AK3: variants seen among roughly 807,000 people sequenced by gnomAD.
The protein encoded by AK3 is GTP:AMP phosphotransferase AK3, mitochondrial.
A neutral mutation model predicts 23.7 loss-of-function variants in AK3; 27 were observed. The ratio of observed to expected loss-of-function variants is 1.14; its 90% CI spans 0.84 to 1.57. The LOEUF (loss-of-function observed/expected upper bound fraction) is 1.57. Among genes scored for constraint, AK3 ranks in the 40% most tolerant of loss-of-function variants. The probability of loss-of-function intolerance (pLI) is 0.00; values close to 1 mark genes in which losing one functional copy is unlikely to be tolerated. For synonymous variants in AK3, 159 were observed against 116.0 expected (o/e 1.37, Z -2.38); for missense variants, 406 against 285.6 (o/e 1.42, Z -3.04).
chr9:4,718,367 C>T, intron 4 of AK3, 52 bp downstream of exon 4: 1 of 1,372,374 alleles, frequency 7.3e-7, no homozygotes, highest in Non-Finnish European at 1.0e-6. Context: ...AAAATCAAAA[C>T]TAGACTTAGT....
Position 4,741,031 on chromosome 9 carries a change from G to A in AK3, c.57C>T (p.Gly19=), listed in dbSNP as rs1371039718. ...RAVIMGAPGS[G]KGTVSSRITT... ...TGATGCGCGACGACACGGTGCCCTTGCCCGAGCCCGGGGCCCCCATGATCA... is the reference window on the plus strand; with the variant it reads ...TGATGCGCGACGACACGGTGCCCTTACCCGAGCCCGGGGCCCCCATGATCA... Residue 19 remains glycine, a synonymous_variant, in exon 1 of 5, where the codon GGC becomes GGT. Transcript: ENST00000381809. 45 of 1,582,180 alleles carry A rather than the reference G, an allele frequency of 2.8e-5. No individual in the cohort carries two copies. The highest frequency in any genetic ancestry group is 3.8e-5 in the Non-Finnish European group (44 of 1,166,726).
At chr9:4,724,341 T>G (rs934845215) in intron 1 of AK3, among the ~76,000 whole-genome samples, 1 of 152,050 alleles carries the variant, frequency 6.6e-6, no homozygotes, top group African/African-American at 2.4e-5. Flanking sequence ...CACCTCTCAC[T>G]CTTCAGGCCA....
chr9:4,724,811 A>G (rs1405514368), intron 1 of AK3, among the ~76,000 whole-genome samples: 4 of 151,992 alleles, frequency 2.6e-5, no homozygotes, highest in African/African-American at 9.7e-5. Flanking sequence ...TAGAATTGAA[A>G]GTCCAGAAAT....
intron 4 of AK3, among the ~76,000 whole-genome samples, chr9:4,714,905 G>C (rs751148366): frequency 6.6e-6 from 1 of 152,182 alleles, no homozygotes; most frequent in East Asian, 1.9e-4. Flanking sequence ...TGAGTTCTAC[G>C]TGTGGGAGCT....
chr9:4,731,388 C>A (rs1000814292), intron 1 of AK3, among the ~76,000 whole-genome samples: 1 of 152,048 alleles, frequency 6.6e-6, no homozygotes, highest in Admixed American at 6.6e-5. Context: ...TCTTTTCCTG[C>A]GTTAGTTTGC....
Position 4,740,927 on chromosome 9 carries a change from G to C in AK3, c.151+10C>G. ...CAGCGCACGGCCGGCCCTGGGCCCA[G>C]AGCTCCCACCTGTGCCCCGCAGCAT... On this transcript the variant is annotated intron_variant, in intron 1 of 4. Transcript: ENST00000381809. 6.5e-7 allele frequency: 1 copy of C among 1,549,140 alleles called. No homozygotes were observed. The highest frequency in any genetic ancestry group is 1.2e-5 in the South Asian group (1 of 84,460).
chr9:4,731,851 C>G (rs913812580), intron 1 of AK3, among the ~76,000 whole-genome samples: 1 of 152,156 alleles, frequency 6.6e-6, no homozygotes, highest in Non-Finnish European at 1.5e-5. Flanking sequence ...AAAACTGACC[C>G]CTCCTCCTCC....
intron 1 of AK3, among the ~76,000 whole-genome samples, chr9:4,724,905 C>T (rs780595106): frequency 3.9e-5 from 6 of 152,024 alleles, no homozygotes; most frequent in Non-Finnish European, 7.4e-5. Flanking sequence ...TTAACAAATG[C>T]TCCTGGGACA....
chr9:4,733,415 A>C (rs766855253), intron 1 of AK3, among the ~76,000 whole-genome samples: 56 of 152,328 alleles, frequency 3.7e-4, no homozygotes, highest in Middle Eastern at 3.4e-3. Flanking sequence ...ATGTGCATGG[A>C]AGGGGAACGG....
At chr9:4,720,886 A>G (rs1841878473) in intron 2 of AK3, among the ~76,000 whole-genome samples, 1 of 152,142 alleles carries the variant, frequency 6.6e-6, no homozygotes. Context: ...GGGAGAAATA[A>G]TGGCCCTTTC....
At chr9:4,714,493 C>T (rs1388678387) in intron 4 of AK3, among the ~76,000 whole-genome samples, 1 of 152,178 alleles carries the variant, frequency 6.6e-6, no homozygotes, top group East Asian at 1.9e-4. Flanking sequence ...TAGAAACCCT[C>T]CTGCTTCTAA....
chr9:4,728,476 C>G (rs964024516), intron 1 of AK3, among the ~76,000 whole-genome samples: 7 of 152,132 alleles, frequency 4.6e-5, no homozygotes, highest in Non-Finnish European at 1.0e-4. Flanking sequence ...GAGGCTGAGG[C>G]AGGAGAAGTG....
At chr9:4,719,047 G>T (rs184713659) in intron 3 of AK3, 88 bp downstream of exon 3, 6 of 1,342,434 alleles carry the variant, frequency 4.5e-6, no homozygotes, top group Non-Finnish European at 6.2e-6. Flanking sequence ...TTGGTCAGAG[G>T]ATTTCCAAGT....
intron 3 of AK3, among the ~76,000 whole-genome samples, 176 bp downstream of exon 3, chr9:4,718,959 G>A (rs1411739078): frequency 2.6e-5 from 4 of 152,106 alleles, no homozygotes; most frequent in African/African-American, 9.7e-5. Flanking sequence ...CTGCTCCTGG[G>A]GCAACCTTTC....
At chr9:4,742,022 T>A (rs1224991702), upstream of AK3, 1 of 152,218 alleles carries the variant, frequency 6.6e-6, no homozygotes, top group Non-Finnish European at 1.5e-5. Context: ...GACTCTTTTA[T>A]AAATAACGTA....
At chr9:4,736,018 G>C (rs1042469977) in intron 1 of AK3, among the ~76,000 whole-genome samples, 3 of 151,354 alleles carry the variant, frequency 2.0e-5, no homozygotes, top group African/African-American at 4.9e-5. Flanking sequence ...AGGAGGCTGA[G>C]GCAGGAGAAG....
In AK3 at chr9:4,719,184, G is replaced by C; in HGVS notation, c.395C>G (p.Pro132Arg). 1 of 1,611,850 alleles carries C rather than the reference G, an allele frequency of 6.2e-7. No individual in the cohort carries two copies. The highest frequency in any genetic ancestry group is 8.5e-7 in the Non-Finnish European group (1 of 1,179,838). The change falls in exon 3 of 5, where the codon CCC (proline) becomes CGC (arginine). Residue 132 changes from proline to arginine, a missense_variant. Coordinates refer to ENST00000381809, the MANE Select transcript of AK3 (RefSeq NM_016282.4). Reference sequence around the variant, plus strand: ...AATGTTATAGACTCGGCCACTGGCGGGATGAATCCAGCGAGCAGTAAGGCG... The same window carrying C: ...AATGTTATAGACTCGGCCACTGGCGCGATGAATCCAGCGAGCAGTAAGGCG... ...KQRLTARWIH[P>R]ASGRVYNIEF...
chr9:4,726,320 G>A (rs1842022944), intron 1 of AK3, among the ~76,000 whole-genome samples: 2 of 152,156 alleles, frequency 1.3e-5, no homozygotes. Flanking sequence ...AGCATGCAGT[G>A]TTGTGTGATA....
rs1394006461 is a variant in AK3, at chr9:4,719,179, T to C, written c.400A>G (p.Ser134Gly). ...AATTCAATGTTATAGACTCGGCCAC[T>C]GGCGGGATGAATCCAGCGAGCAGTA... Reference protein sequence around the residue: ...RLTARWIHPASGRVYNIEFNP... With the variant: ...RLTARWIHPAGGRVYNIEFNP... Residue 134 changes from serine (S) to glycine (G), a missense_variant, in exon 3 of 5, where the codon AGT (serine) becomes GGT (glycine). Physicochemically the swap from Ser to Gly is moderately conservative, Grantham distance 56 (BLOSUM62 0). Coordinates refer to ENST00000381809, the MANE Select transcript of AK3 (RefSeq NM_016282.4). 1.2e-6 allele frequency: 2 copies of C among 1,611,928 alleles called. No individual in the cohort carries two copies. The highest frequency in any genetic ancestry group is 8.5e-7 in the Non-Finnish European group (1 of 1,179,834).
Sources: gnomAD v4.1 joint callset for allele counts (sites outside exome capture counted in the v4.1 genomes callset) on GRCh38, gnomAD v4.1.1 for gene constraint, MANE v1.5 for transcripts, NCBI Gene and HGNC (gene_info 2026-07-23, HGNC 2026-07-21) for gene names.